The following TPRG1 variants were observed in gnomAD, a reference collection of about 807,000 sequenced individuals.
The protein encoded by TPRG1 is tumor protein p63 regulated 1.
A neutral mutation model predicts 29.3 loss-of-function variants in TPRG1; 29 were observed. The ratio of observed to expected loss-of-function variants is 0.99; its 90% CI spans 0.74 to 1.35. TPRG1 has a LOEUF of 1.35. Ranked by LOEUF, TPRG1 falls within the 40% of genes most tolerant of loss-of-function variation. The pLI, the probability that TPRG1 is intolerant of heterozygous loss-of-function variation, is 0.00. For missense variants in TPRG1, 327 were observed against 335.0 expected (o/e 0.98, Z 0.19); for synonymous variants, 130 against 116.8 (o/e 1.11, Z -0.73).
chr3:189,186,113 A>G (rs1258353764), intron 1 of TPRG1, among the ~76,000 whole-genome samples: 1 of 152,224 alleles, frequency 6.6e-6, no homozygotes, highest in East Asian at 1.9e-4. Flanking sequence ...TTGTAGTTGT[A>G]TAGTCAATAG....
chr3:189,203,564 T>C (rs1011774316), intron 1 of TPRG1, among the ~76,000 whole-genome samples: 18 of 152,248 alleles, frequency 1.2e-4, no homozygotes, highest in African/African-American at 4.3e-4. Context: ...AATGTTTGCG[T>C]GTTATTTTGA....
intron 1 of TPRG1, among the ~76,000 whole-genome samples, chr3:189,125,855 GTGTGTGTGTGTGTGTGTT>G (rs1722409430): frequency 6.7e-6 from 1 of 149,102 alleles, no homozygotes; most frequent in African/African-American, 2.5e-5. Context: ...GTGTGTGTGT[GTGTGTGTGTGTGTGTGTT>G]TGGTATATTT....
intron 4 of TPRG1, among the ~76,000 whole-genome samples, chr3:189,301,950 T>C (rs1367239512): frequency 6.6e-6 from 1 of 152,208 alleles, no homozygotes; most frequent in Non-Finnish European, 1.5e-5. Flanking sequence ...CCAATTTCTG[T>C]AGATTTCTTC....
At chr3:189,098,367 T>C (rs149832209), upstream of TPRG1, among the ~76,000 whole-genome samples, 16 of 152,286 alleles carry the variant, frequency 1.1e-4, no homozygotes, top group East Asian at 2.7e-3. Context: ...CTAGAAAGGC[T>C]GTGAACCAGG....
intron 4 of TPRG1, among the ~76,000 whole-genome samples, chr3:189,031,276 G>A (rs973806964): frequency 7.6e-6 from 1 of 131,190 alleles, no homozygotes; most frequent in Admixed American, 8.6e-5. Context: ...GGGCGACAGA[G>A]CGAGACTCTG....
intron 4 of TPRG1, among the ~76,000 whole-genome samples, chr3:189,282,881 T>C (rs1476475636): frequency 2.0e-5 from 3 of 152,186 alleles, no homozygotes; most frequent in Non-Finnish European, 4.4e-5. Flanking sequence ...ATATTTTCTG[T>C]GTCTGAATAG....
intron 3 of TPRG1, among the ~76,000 whole-genome samples, chr3:189,020,114 TTCTC>T (rs1426913419): frequency 2.6e-5 from 4 of 152,058 alleles, no homozygotes; most frequent in Middle Eastern, 3.4e-3. Context: ...TATTTGATTC[TTCTC>T]TCTTTTTTTC....
intron 1 of TPRG1, among the ~76,000 whole-genome samples, chr3:189,110,295 G>C (rs768844692): frequency 6.6e-6 from 1 of 152,128 alleles, no homozygotes; most frequent in African/African-American, 2.4e-5. Context: ...TATGTTAAGT[G>C]CATAACAGTA....
At chr3:189,005,916 T>C (rs1004960718) in intron 3 of TPRG1, among the ~76,000 whole-genome samples, 7 of 151,874 alleles carry the variant, frequency 4.6e-5, no homozygotes, top group African/African-American at 1.7e-4. Flanking sequence ...TAACAGAAAA[T>C]GGAAGCATAT....
chr3:189,101,467 C>T (rs1012983762), intron 1 of TPRG1, among the ~76,000 whole-genome samples: 1 of 152,214 alleles, frequency 6.6e-6, no homozygotes, highest in African/African-American at 2.4e-5. Context: ...CACTCACCCC[C>T]CACTGTCAAC....
intron 4 of TPRG1, among the ~76,000 whole-genome samples, chr3:189,287,784 T>TA (rs1203875326): frequency 6.6e-6 from 1 of 152,144 alleles, no homozygotes; most frequent in African/African-American, 2.4e-5. Flanking sequence ...GCATTTTCAA[T>TA]AAAAAGGCCA....
intron 3 of TPRG1, among the ~76,000 whole-genome samples, chr3:189,234,524 T>A (rs183297168): frequency 6.6e-6 from 1 of 152,340 alleles, no homozygotes; most frequent in Admixed American, 6.5e-5. Flanking sequence ...GGCATGAACA[T>A]TTCCGCAATG....
chr3:189,067,298 C>A (rs193294619), intron 4 of TPRG1, among the ~76,000 whole-genome samples: 32 of 152,176 alleles, frequency 2.1e-4, no homozygotes, highest in Admixed American at 3.9e-4. Flanking sequence ...AAATTACATT[C>A]TTCAGAAATA....
intron 4 of TPRG1, among the ~76,000 whole-genome samples, chr3:189,275,359 G>A (rs1474281352): frequency 6.6e-6 from 1 of 152,262 alleles, no homozygotes; most frequent in East Asian, 1.9e-4. Context: ...GATAAGTCAA[G>A]TATATATACA....
At chr3:189,223,887 TATTC>T (rs1262180689) in intron 3 of TPRG1, among the ~76,000 whole-genome samples, 1 of 152,220 alleles carries the variant, frequency 6.6e-6, no homozygotes, top group Non-Finnish European at 1.5e-5. Context: ...TATTTATTTA[TATTC>T]ATTCATTCAT....
chr3:189,153,245 G>T (rs1726205472), intron 5 of TPRG1, among the ~76,000 whole-genome samples: 1 of 152,136 alleles, frequency 6.6e-6, no homozygotes, highest in Admixed American at 6.6e-5. Context: ...ATTTTATTTT[G>T]AGTAACCTGG....
rs376587395 is a variant in TPRG1, at chr3:189,026,109, G to A, written c.-463+2163G>A. On this transcript the variant is annotated intron_variant, in intron 4 of 10. Transcript: ENST00000433971. ...GCCACAACAAAATGCCACAGATTGG[G>A]TGTCTTAACAGACATTTTTTTTCTC... is the stretch of plus-strand genomic sequence containing the variant. Among the ~76,000 whole-genome samples, 283 of 152,324 alleles carry A rather than the reference G, an allele frequency of 1.9e-3. 2 individuals carry two copies. Among genetic ancestry groups the A allele is most frequent in the African/African-American group, 6.3e-3 (261 of 41,570 alleles).
chr3:189,156,670 G>C (rs955238134), intron 5 of TPRG1, among the ~76,000 whole-genome samples: 1 of 152,220 alleles, frequency 6.6e-6, no homozygotes, highest in South Asian at 2.1e-4. Flanking sequence ...TAGCTGGTCA[G>C]ATGAGTATGT....
At chr3:189,038,228 T>C (rs1714405987) in intron 4 of TPRG1, among the ~76,000 whole-genome samples, 1 of 152,034 alleles carries the variant, frequency 6.6e-6, no homozygotes, top group South Asian at 2.1e-4. Context: ...CCGTCCCTTA[T>C]GGAATATGGT....
Sources: gnomAD v4.1 joint callset for allele counts (sites outside exome capture counted in the v4.1 genomes callset) on GRCh38, gnomAD v4.1.1 for gene constraint, MANE v1.5 for transcripts, NCBI Gene and HGNC (gene_info 2026-07-23, HGNC 2026-07-21) for gene names.